The following ADAP1 variants were observed in gnomAD, a reference collection of about 807,000 sequenced individuals.
ADAP1 encodes ArfGAP with dual PH domains 1, also known as arf-GAP with dual PH domain-containing protein 1.
Under a neutral mutation model 54.9 loss-of-function variants are expected in ADAP1, and 31 were observed. That is an observed-to-expected ratio of 0.56 (90% CI 0.42 to 0.76). The LOEUF (loss-of-function observed/expected upper bound fraction) is 0.76. Among genes scored for constraint, ADAP1 ranks in the 30% least tolerant of loss-of-function variants. ADAP1 has a pLI of 0.00. For missense variants in ADAP1, 535 were observed against 512.4 expected (o/e 1.04, Z -0.42); for synonymous variants, 313 against 202.6 (o/e 1.55, Z -4.63).
chr7:909,778 C>G (rs1335606064), intron 4 of ADAP1, among the ~76,000 whole-genome samples: 1 of 152,180 alleles, frequency 6.6e-6, no homozygotes, highest in Non-Finnish European at 1.5e-5. Context: ...AGGACTCGAC[C>G]AGTATTTATC....
rs1192190995 is a variant in ADAP1, at chr7:898,785, C to CAG, written c.*135_*136insCT. 1 of 1,215,058 alleles carries CAG rather than the reference C, an allele frequency of 8.2e-7. No individual in the cohort carries two copies. The highest frequency in any genetic ancestry group is 1.5e-5 in the African/African-American group (1 of 66,378). 75.3% of individuals were successfully genotyped at this position (1,215,058 alleles called of 1,614,324 possible). ...GCATCCTGGAAGCTGAAGCTCGGGC[C>CAG]CTACCTGGCCGCGCCGGGCTGCCCT... On this transcript the variant is annotated 3_prime_UTR_variant, in exon 11 of 11. Transcript: ENST00000265846.
chr7:926,568 G>A lies in ADAP1; in HGVS notation c.290C>T (p.Thr97Met), dbSNP rs940331251. 1.6e-5 allele frequency: 25 copies of A among 1,538,224 alleles called. No homozygotes were observed. The highest frequency in any genetic ancestry group is 4.2e-5 in the African/African-American group (3 of 71,748). Reference sequence around the variant, plus strand: ...TTGTACTCACTGGCAGTCGGAGGGCGTGGGCCGGTAGTAGAAGGAGGGTAC... The same window carrying A: ...TTGTACTCACTGGCAGTCGGAGGGCATGGGCCGGTAGTAGAAGGAGGGTAC... ...SKVPSFYYRP[T>M]PSDCQLLREQ... Residue 97 changes from threonine (T) to methionine (M), a missense_variant, in exon 3 of 11, where the codon ACG becomes ATG. By Grantham distance (81) the Thr-to-Met change is moderately conservative. Transcript: ENST00000265846. The surrounding 1 kb of genome is among the most constrained non-coding windows in gnomAD (Gnocchi z 4.6).
At chr7:901,731 C>T (rs1414387821) in intron 6 of ADAP1, among the ~76,000 whole-genome samples, 1 of 151,634 alleles carries the variant, frequency 6.6e-6, no homozygotes, top group Non-Finnish European at 1.5e-5. Context: ...CCCACGCCAC[C>T]CAACCAGCCC....
At chr7:942,379 AAGGG>A (rs1441636678) in intron 1 of ADAP1, among the ~76,000 whole-genome samples, 9 of 89,056 alleles carry the variant, frequency 1.0e-4, no homozygotes, top group African/African-American at 3.9e-4. Flanking sequence ...GAGGAGGAGG[AAGGG>A]AGAGAGGAGG....
chr7:912,478 G>A (rs551497795), intron 4 of ADAP1, among the ~76,000 whole-genome samples: 1 of 152,198 alleles, frequency 6.6e-6, no homozygotes, highest in Non-Finnish European at 1.5e-5. Context: ...CTTGGCCCAG[G>A]GAGGCGGCGC....
chr7:946,321 C>T lies in ADAP1; in HGVS notation c.82+8075G>A, dbSNP rs2128111985. Among the ~76,000 whole-genome samples, 2 of 152,302 alleles carry T rather than the reference C, an allele frequency of 1.3e-5. No homozygotes were observed. Among genetic ancestry groups the T allele is most frequent in the Middle Eastern group, 6.8e-3 (2 of 294 alleles). ...CTCCTGGGTGGGCTGGCAGCCCACA[C>T]CTCCTCTCTGCCCAGGCCCCAGGCC... is the stretch of plus-strand genomic sequence containing the variant. On this transcript the variant is annotated intron_variant, in intron 1 of 10. Coordinates refer to ENST00000265846, the MANE Select transcript of ADAP1 (RefSeq NM_006869.4). This position sits in a 1 kb window ranked among gnomAD's most constrained non-coding sequence, Gnocchi z 4.3.
At chr7:909,185 AC>A (rs1463986828) in intron 4 of ADAP1, among the ~76,000 whole-genome samples, 1 of 103,754 alleles carries the variant, frequency 9.6e-6, no homozygotes, top group Admixed American at 9.1e-5. Context: ...GCCAGCGGGA[AC>A]CCCGGACCTC....
At chr7:928,653 A>G (rs553068198) in intron 2 of ADAP1, among the ~76,000 whole-genome samples, 4 of 152,288 alleles carry the variant, frequency 2.6e-5, no homozygotes, top group African/African-American at 9.6e-5. Flanking sequence ...TGAAAACCTC[A>G]ATGAGCTACC....
At chr7:929,109 C>T (rs1347144565) in intron 2 of ADAP1, among the ~76,000 whole-genome samples, 4 of 151,880 alleles carry the variant, frequency 2.6e-5, no homozygotes, top group Non-Finnish European at 4.4e-5. Context: ...CTGGGCAACA[C>T]GGTGAGACCC....
chr7:912,451 C>T (rs767536859), intron 4 of ADAP1, among the ~76,000 whole-genome samples: 2 of 152,180 alleles, frequency 1.3e-5, no homozygotes, highest in Admixed American at 6.5e-5. Flanking sequence ...GGGTGCGGCG[C>T]GTCCCCACGC....
At chr7:953,958 G>A (rs933873087) in intron 1 of ADAP1, among the ~76,000 whole-genome samples, 2 of 152,198 alleles carry the variant, frequency 1.3e-5, no homozygotes, top group African/African-American at 4.8e-5. Flanking sequence ...GAGGCATGAC[G>A]TCACCGCGAG....
At chr7:918,166 G>A (rs1199751673) in intron 4 of ADAP1, among the ~76,000 whole-genome samples, 1 of 152,122 alleles carries the variant, frequency 6.6e-6, no homozygotes, top group African/African-American at 2.4e-5. Flanking sequence ...GACTGCAACG[G>A]ATCCACCTGC....
In ADAP1 at chr7:946,804, G is replaced by A. The variant is rs1478822948; in HGVS notation, c.82+7592C>T. 2.0e-5 allele frequency among the ~76,000 whole-genome samples: 3 copies of A among 152,240 alleles called. No individual in the cohort carries two copies. The highest frequency in any genetic ancestry group is 2.9e-5 in the Non-Finnish European group (2 of 68,052). On this transcript the variant is annotated intron_variant, in intron 1 of 10. Transcript: ENST00000265846. This position sits in a 1 kb window ranked among gnomAD's most constrained non-coding sequence, Gnocchi z 4.3. The stretch of plus-strand genomic sequence containing the variant: ...ATAGAGGTGGTGGTTGAACAGCATG[G>A]AGAACGTTCTAAATGCCACTGAATT...
In ADAP1 at chr7:938,577, G is replaced by A. The variant is rs568192876; in HGVS notation, c.83-3072C>T. On this transcript the variant is annotated intron_variant, in intron 1 of 10. Transcript: ENST00000265846. The surrounding 1 kb of genome is among the most constrained non-coding windows in gnomAD (Gnocchi z 4.4). Reference sequence around the variant, plus strand: ...AGAGACCTGACTCCCCCCGGGCTCCGTCTTCTCCCGAAGCCTTGGTGAAAG... The same window carrying A: ...AGAGACCTGACTCCCCCCGGGCTCCATCTTCTCCCGAAGCCTTGGTGAAAG... 1.7e-4 allele frequency among the ~76,000 whole-genome samples: 26 copies of A among 152,280 alleles called. No homozygotes were observed. The South Asian group carries it at 5.0e-3, about 29-fold the overall frequency.
At position 940,089 on chromosome 7, in the gene ADAP1, TTGTG is replaced by T. The variant is rs559427925; in HGVS notation, c.83-4588_83-4585del. Among the ~76,000 whole-genome samples, 301 of 152,246 alleles carry T rather than the reference TTGTG, an allele frequency of 2.0e-3. 1 individual carries two copies. Among genetic ancestry groups the T allele is most frequent in the Non-Finnish European group, 3.6e-3 (247 of 68,008 alleles). On this transcript the variant is annotated intron_variant, in intron 1 of 10. Coordinates refer to ENST00000265846, the MANE Select transcript of ADAP1 (RefSeq NM_006869.4). ...AAACCTGTCACATCCTCCTTGGTATTTGTGTGTGAGCATATACATACGTGCGTGC... is the reference window on the plus strand; with the variant it reads ...AAACCTGTCACATCCTCCTTGGTATTTGTGAGCATATACATACGTGCGTGC...
chr7:954,148 A>AG (rs1847331845), intron 1 of ADAP1, among the ~76,000 whole-genome samples: 1 of 144,912 alleles, frequency 6.9e-6, no homozygotes, highest in African/African-American at 2.5e-5. Flanking sequence ...AGGCGGCGGC[A>AG]GGGGGGTTTC....
intron 3 of ADAP1, among the ~76,000 whole-genome samples, chr7:922,826 G>A (rs905395502): frequency 2.5e-5 from 2 of 78,926 alleles, no homozygotes; most frequent in African/African-American, 1.0e-4. Context: ...CCCCGCCCAC[G>A]CACCTGCCTC....
intron 4 of ADAP1, among the ~76,000 whole-genome samples, chr7:910,811 G>A (rs552090681): frequency 6.2e-4 from 94 of 152,226 alleles, no homozygotes; most frequent in African/African-American, 2.1e-3. Flanking sequence ...TCTGAGAACG[G>A]GGCCGAGGCC....
chr7:906,347 GGAAAGGAGAAAGGGAGAAAGA>G lies in ADAP1; in HGVS notation c.389-1196_389-1176del, dbSNP rs1562914069. Among the ~76,000 whole-genome samples the G allele has an allele frequency of 2.5e-3, 13 of 5,122 alleles. 5 individuals carry two copies. The highest frequency in any genetic ancestry group is 0.014 in the African/African-American group (6 of 422). 3.4% of individuals were successfully genotyped at this position (5,122 alleles called of 152,430 possible). ...GAAAGGGAAAGGAGAAAGGAGAAAG[GGAAAGGAGAAAGGGAGAAAGA>G]GAAAGGAGAAAGGAGAAAGGAGAAA... On this transcript the variant is annotated intron_variant, in intron 4 of 10. Transcript: ENST00000265846.
Sources: gnomAD v4.1 joint callset for allele counts (sites outside exome capture counted in the v4.1 genomes callset) on GRCh38, gnomAD v4.1.1 for gene constraint, Gnocchi (gnomAD v3.1) non-coding constraint, MANE v1.5 for transcripts, NCBI Gene and HGNC (gene_info 2026-07-23, HGNC 2026-07-21) for gene names.